The following MTUS2 variants were observed in gnomAD, a reference collection of about 807,000 sequenced individuals.
The protein encoded by MTUS2 is microtubule associated scaffold protein 2.
Under a neutral mutation model 114.1 loss-of-function variants are expected in MTUS2, and 40 were observed. That is an observed-to-expected ratio of 0.35 (90% confidence interval 0.27 to 0.46). The LOEUF is 0.46. Ranked by LOEUF, MTUS2 falls within the 20% of genes least tolerant of loss-of-function variation. The pLI is 1.00. For synonymous variants in MTUS2, 688 were observed against 672.0 expected, an observed-to-expected ratio of 1.02 and a Z score of -0.37; for missense variants, 1,679 against 1,705.4, an observed-to-expected ratio of 0.98 and a Z score of 0.27.
At chr13:29,497,626 C>A in intron 13 of MTUS2, 1 of 426,060 alleles carries the variant, frequency 2.3e-6, no homozygotes, top group Non-Finnish European at 4.3e-6. Context: ...TGGAAACCCC[C>A]CTCCGCTGGC....
intron 3 of MTUS2, among the ~76,000 whole-genome samples, chr13:29,029,237 G>A (rs1019887921): frequency 5.9e-5 from 9 of 152,182 alleles, no homozygotes; most frequent in Non-Finnish European, 2.9e-5. Context: ...GAATTCAGGG[G>A]TCCAGTCAGC....
At chr13:29,431,784 G>A (rs954670870) in intron 8 of MTUS2, among the ~76,000 whole-genome samples, 6 of 152,124 alleles carry the variant, frequency 3.9e-5, no homozygotes, top group East Asian at 1.9e-4. Flanking sequence ...TGGTGCATAG[G>A]GAGTGTGGGG....
At chr13:29,237,491 T>C (rs1419718531) in intron 5 of MTUS2, among the ~76,000 whole-genome samples, 1 of 152,194 alleles carries the variant, frequency 6.6e-6, no homozygotes, top group African/African-American at 2.4e-5. Flanking sequence ...GGTGGAATTC[T>C]CCAGGACCTG....
chr13:29,321,785 C>A (rs1486497407), intron 6 of MTUS2, among the ~76,000 whole-genome samples: 9 of 152,034 alleles, frequency 5.9e-5, no homozygotes, highest in Admixed American at 5.9e-4. Context: ...TTAGAAGTAA[C>A]CATTATTAAA....
At chr13:29,285,535 A>T (rs1898444183) in intron 6 of MTUS2, among the ~76,000 whole-genome samples, 1 of 152,188 alleles carries the variant, frequency 6.6e-6, no homozygotes, top group Non-Finnish European at 1.5e-5. Flanking sequence ...TGGGGGAAAA[A>T]TGGATTTGGT....
intron 4 of MTUS2, among the ~76,000 whole-genome samples, chr13:29,071,665 A>G (rs1037279192): frequency 6.6e-6 from 1 of 151,834 alleles, no homozygotes; most frequent in Non-Finnish European, 1.5e-5. Flanking sequence ...TGACTTCATG[A>G]TCCGCCCGCT....
intron 5 of MTUS2, among the ~76,000 whole-genome samples, chr13:29,178,922 A>G (rs1003484162): frequency 2.6e-5 from 4 of 152,156 alleles, no homozygotes; most frequent in Non-Finnish European, 5.9e-5. Context: ...TAAATGAAGT[A>G]GGGCTCAGCC....
rs538144260 is a variant in MTUS2, at chr13:28,997,041, A to C, written c.-242-27416A>C. Among the ~76,000 whole-genome samples, 182 of 152,300 alleles carry C rather than the reference A, an allele frequency of 1.2e-3. 5 individuals carry two copies. In the South Asian group the frequency reaches 0.015, roughly 12 times the overall value. On this transcript the variant is annotated intron_variant, in intron 2 of 15. Coordinates refer to ENST00000612955, the MANE Select transcript of MTUS2 (RefSeq NM_001033602.4). ...TCTCTTGTGGGCATTTAATGCTATAAATTTCCCTCCACACACTGCTTTGAA... is the reference window on the plus strand; with the variant it reads ...TCTCTTGTGGGCATTTAATGCTATACATTTCCCTCCACACACTGCTTTGAA...
intron 4 of MTUS2, among the ~76,000 whole-genome samples, chr13:29,075,697 C>A (rs2475520): frequency 0.36 from 55,444 of 152,024 alleles, 10,285 homozygotes; most frequent in Admixed American, 0.4. Flanking sequence ...GATTACCAGT[C>A]ATTTAAGACA....
chr13:29,168,581 A>G (rs1294550653), intron 5 of MTUS2, among the ~76,000 whole-genome samples: 1 of 152,194 alleles, frequency 6.6e-6, no homozygotes, highest in African/African-American at 2.4e-5. Context: ...GGCTTTGCTT[A>G]CTTAATTTTA....
intron 6 of MTUS2, 23 bp from the exon 7 acceptor site, chr13:29,324,590 T>C (rs533895026): frequency 1.6e-5 from 25 of 1,531,116 alleles, no homozygotes; most frequent in Middle Eastern, 1.7e-4. Flanking sequence ...TTCTACCTAT[T>C]TCTCTTTTCC....
At chr13:29,205,789 T>C (rs547120822) in intron 5 of MTUS2, among the ~76,000 whole-genome samples, 88 of 152,382 alleles carry the variant, frequency 5.8e-4, no homozygotes, top group African/African-American at 2.0e-3. Flanking sequence ...TGTACCATAT[T>C]TTCTTTATCT....
chr13:29,199,532 G>GTTT (rs966145515), intron 5 of MTUS2, among the ~76,000 whole-genome samples: 1 of 152,166 alleles, frequency 6.6e-6, no homozygotes, highest in Non-Finnish European at 1.5e-5. Flanking sequence ...GCATCCCAGG[G>GTTT]ATAAAGCCGA....
At chr13:29,260,967 A>T (rs1248634727) in intron 5 of MTUS2, among the ~76,000 whole-genome samples, 1 of 152,174 alleles carries the variant, frequency 6.6e-6, no homozygotes, top group African/African-American at 2.4e-5. Context: ...CTGGTCCAAG[A>T]TGTGGGTAGT....
At chr13:29,221,576 G>A (rs1895909520) in intron 5 of MTUS2, among the ~76,000 whole-genome samples, 1 of 151,844 alleles carries the variant, frequency 6.6e-6, no homozygotes, top group African/African-American at 2.4e-5. Flanking sequence ...TCCTATTTTA[G>A]ACTTCTTTAT....
chr13:29,167,234 G>T (rs1024773643), intron 5 of MTUS2, among the ~76,000 whole-genome samples: 1 of 152,182 alleles, frequency 6.6e-6, no homozygotes, highest in Admixed American at 6.5e-5. Flanking sequence ...AATTAGCCGG[G>T]TGTGGTTGCG....
At chr13:28,941,532 A>G (rs561618188) in intron 2 of MTUS2, among the ~76,000 whole-genome samples, 3 of 151,994 alleles carry the variant, frequency 2.0e-5, no homozygotes, top group Admixed American at 1.3e-4. Context: ...TTAGTATTTT[A>G]TATTTTTAAA....
intron 2 of MTUS2, among the ~76,000 whole-genome samples, chr13:28,991,525 C>T (rs1212767513): frequency 6.6e-6 from 1 of 152,054 alleles, no homozygotes; most frequent in Non-Finnish European, 1.5e-5. Flanking sequence ...CCCACCACCA[C>T]GCCTAGCTAA....
At chr13:29,100,611 C>A (rs1478475284) in intron 4 of MTUS2, among the ~76,000 whole-genome samples, 162 bp from the exon 5 acceptor site, 1 of 152,124 alleles carries the variant, frequency 6.6e-6, no homozygotes, top group Non-Finnish European at 1.5e-5. Flanking sequence ...ATATAAGGGG[C>A]CTTTCTCTTC....
Sources: allele counts gnomAD v4.1 joint callset (sites outside exome capture counted in the v4.1 genomes callset), GRCh38; gene constraint gnomAD v4.1.1; transcripts MANE v1.5; gene names NCBI Gene and HGNC (gene_info 2026-07-23, HGNC 2026-07-21).